GRM4: variants seen among roughly 807,000 people sequenced by gnomAD.
GRM4 encodes the protein glutamate metabotropic receptor 4, also known as metabotropic glutamate receptor 4.
GRM4 carries 28 observed loss-of-function variants against 81.7 expected under a neutral mutation model. That is an observed-to-expected ratio of 0.34 (90% confidence interval 0.25 to 0.47). GRM4 has a LOEUF of 0.47. Ranked by LOEUF, GRM4 falls within the 20% of genes least tolerant of loss-of-function variation. The pLI is 1.00. For synonymous variants in GRM4, 488 were observed against 528.8 expected, an observed-to-expected ratio of 0.92 and a Z score of 1.06; for missense variants, 948 against 1,290.0, an observed-to-expected ratio of 0.73 and a Z score of 4.06.
intron 6 of GRM4, among the ~76,000 whole-genome samples, chr6:34,052,388 C>G (rs1765659006): frequency 6.6e-6 from 1 of 152,236 alleles, no homozygotes; most frequent in African/African-American, 2.4e-5. Context: ...GGGAACTCCA[C>G]TTCAGACAGC....
In GRM4 at chr6:34,021,021, C is replaced by T. The variant is rs780463570; in HGVS notation, c.*1800G>A. 1 of 151,922 alleles carries T rather than the reference C, an allele frequency of 6.6e-6. No homozygotes were observed. Among genetic ancestry groups the T allele is most frequent in the Non-Finnish European group, 1.5e-5 (1 of 68,036 alleles). The allele number at this position is 151,922 out of a possible 1,614,324, so 9.4% of individuals were successfully genotyped here. On this transcript the variant is annotated 3_prime_UTR_variant, in exon 11 of 11. Transcript: ENST00000538487. This position sits in a 1 kb window ranked among gnomAD's most constrained non-coding sequence, Gnocchi z 5.3. ...ACGGCACAGGCAGCCCAGGCTCCAG[C>T]TGCTGCCTATGGCCTCATTGTGTTT... is the stretch of plus-strand genomic sequence containing the variant.
chr6:34,094,579 G>T (rs1192916864), intron 2 of GRM4, among the ~76,000 whole-genome samples: 1 of 152,204 alleles, frequency 6.6e-6, no homozygotes, highest in African/African-American at 2.4e-5. Context: ...TTTTAGAGCA[G>T]TTTCTCAGCC....
chr6:34,103,979 C>A, intron 2 of GRM4: 1 of 528,716 alleles, frequency 1.9e-6, no homozygotes, highest in Non-Finnish European at 2.7e-6. Context: ...TCATGCACAG[C>A]CTCCCTTGGT....
intron 9 of GRM4, among the ~76,000 whole-genome samples, chr6:34,032,327 C>T (rs1175083811): frequency 2.0e-5 from 3 of 152,206 alleles, no homozygotes; most frequent in Non-Finnish European, 4.4e-5. Flanking sequence ...TGTAGGCACA[C>T]CACAACTCCT....
In GRM4 at chr6:34,120,628, C is replaced by T. The variant is rs368121247; in HGVS notation, c.519+12350G>A. On this transcript the variant is annotated intron_variant, in intron 2 of 10. Transcript: ENST00000538487. ...GGAGCTACCAATTCGGGCAGGAAGA[C>T]ACCTTTGTCAGGTCCCCAGCTCCTG... Among the ~76,000 whole-genome samples, 10 of 152,222 alleles carry T rather than the reference C, an allele frequency of 6.6e-5. No homozygotes were observed. The South Asian group carries it at 2.1e-3, about 32-fold the overall frequency.
chr6:34,093,270 C>A (rs1490223193), intron 2 of GRM4, among the ~76,000 whole-genome samples: 3 of 152,200 alleles, frequency 2.0e-5, no homozygotes, highest in Admixed American at 2.0e-4. Context: ...TGGCCAAAGC[C>A]TAGTGTGTCC....
rs745313715 is a variant in GRM4 at position 34,092,116 on chromosome 6, G to A, written c.520-17C>T. ...CTGGGGTATCTGAGGGGCGAGAGGG[G>A]CTGCTGAGGGTGGCGACTGGCTCCC... On this transcript the variant is annotated splice_polypyrimidine_tract_variant and intron_variant, in intron 2 of 10. Coordinates refer to ENST00000538487, the MANE Select transcript of GRM4 (RefSeq NM_000841.4). The surrounding 1 kb of genome is among the most constrained non-coding windows in gnomAD (Gnocchi z 6.8). 3.2e-6 allele frequency: 5 copies of A among 1,561,514 alleles called. No homozygotes were observed. The highest frequency in any genetic ancestry group is 2.6e-6 in the Non-Finnish European group (3 of 1,139,028).
At chr6:34,137,815 C>T (rs1770520989) in intron 1 of GRM4, among the ~76,000 whole-genome samples, 2 of 144,542 alleles carry the variant, frequency 1.4e-5, no homozygotes, top group South Asian at 4.3e-4. Flanking sequence ...AGGCTGGTCT[C>T]GAACTCCTGA....
At chr6:34,123,664 C>T (rs60117918) in intron 2 of GRM4, among the ~76,000 whole-genome samples, 15,461 of 152,250 alleles carry the variant, frequency 0.1, 1,427 homozygotes, top group African/African-American at 0.24. Flanking sequence ...TTGCTGTGCA[C>T]GCATTTCATC....
intron 2 of GRM4, among the ~76,000 whole-genome samples, chr6:34,109,305 C>T (rs1769267496): frequency 1.3e-5 from 2 of 152,198 alleles, no homozygotes; most frequent in African/African-American, 2.4e-5. Context: ...AGGGAAGCCC[C>T]TCGTTGATCT....
intron 10 of GRM4, among the ~76,000 whole-genome samples, chr6:34,027,653 C>A (rs1403348634): frequency 1.3e-5 from 2 of 152,184 alleles, no homozygotes; most frequent in Non-Finnish European, 2.9e-5. Flanking sequence ...TCCCACCCCA[C>A]CGGGTTACCA....
chr6:34,027,762 G>A (rs1210825616), intron 10 of GRM4, among the ~76,000 whole-genome samples: 1 of 152,202 alleles, frequency 6.6e-6, no homozygotes, highest in Non-Finnish European at 1.5e-5. Context: ...CCCAGCACAG[G>A]GAAATCCCGG....
At chr6:34,144,820 C>T (rs777567272) in intron 1 of GRM4, among the ~76,000 whole-genome samples, 22 of 152,182 alleles carry the variant, frequency 1.4e-4, no homozygotes, top group Non-Finnish European at 2.8e-4. Context: ...GTACTTTCCA[C>T]CGGGCCCGCA....
At chr6:34,067,167 T>C (rs980041541) in intron 3 of GRM4, among the ~76,000 whole-genome samples, 8 of 152,196 alleles carry the variant, frequency 5.3e-5, no homozygotes, top group Non-Finnish European at 8.8e-5. Context: ...AGACACTTCG[T>C]GGATGAAACT....
At position 34,059,112 on chromosome 6, in the gene GRM4, C is replaced by T. The variant is rs1284383280; in HGVS notation, c.889G>A (p.Ala297Thr). The T allele has an allele frequency of 2.5e-6, 4 of 1,613,594 alleles. No homozygotes were observed. The highest frequency in any genetic ancestry group is 2.5e-6 in the Non-Finnish European group (3 of 1,179,948). Residue 297 changes from alanine to threonine, a missense_variant, in exon 5 of 11, where the codon GCA (alanine) becomes ACA (threonine). Physicochemically the swap from Ala to Thr is moderately conservative, Grantham distance 58. Coordinates refer to ENST00000538487, the MANE Select transcript of GRM4 (RefSeq NM_000841.4). The surrounding 1 kb of genome is among the most constrained non-coding windows in gnomAD (Gnocchi z 5.7). ...EDDIRRVLEA[A>T]RRANQTGHFF... ...TGGCCTGTCTGGTTGGCCCTTCGTG[C>T]TGCCTCCAGCACACGCCTGTAGGAA... is the stretch of plus-strand genomic sequence containing the variant.
rs1334581219 is a variant in GRM4 at position 34,035,515 on chromosome 6, T to TGAAAGAAGGCAGAATGAGGCAA, written c.2442+131_2442+152dup. ...CTGGGAGAGAAGGCAGAATGAGGCA[T>TGAAAGAAGGCAGAATGAGGCAA]GAAAGAAGGCAGAATGAGGCAAGAA... is the stretch of plus-strand genomic sequence containing the variant. On this transcript the variant is annotated intron_variant, in intron 9 of 10. Coordinates refer to ENST00000538487, the MANE Select transcript of GRM4 (RefSeq NM_000841.4). The surrounding 1 kb of genome is among the most constrained non-coding windows in gnomAD (Gnocchi z 6.6). 6.8e-6 allele frequency among the ~76,000 whole-genome samples: 1 copy of TGAAAGAAGGCAGAATGAGGCAA among 147,750 alleles called. No individual in the cohort carries two copies.
In GRM4 at chr6:34,085,280, G is replaced by A. The variant is rs140096684; in HGVS notation, c.736+6603C>T. On this transcript the variant is annotated intron_variant, in intron 3 of 10. Coordinates refer to ENST00000538487, the MANE Select transcript of GRM4 (RefSeq NM_000841.4). ...CCTCTTTCCCTTCCTGTCCCCCAGGGCAGCAGCACTGCAGGATGAAGCACC... is the reference window on the plus strand; with the variant it reads ...CCTCTTTCCCTTCCTGTCCCCCAGGACAGCAGCACTGCAGGATGAAGCACC... Among the ~76,000 whole-genome samples the A allele has an allele frequency of 8.1e-3, 1,240 of 152,294 alleles. 7 individuals are homozygous for A. Among genetic ancestry groups the A allele is most frequent in the South Asian group, 0.014 (69 of 4,828 alleles).
intron 5 of GRM4, among the ~76,000 whole-genome samples, 169 bp downstream of exon 5, chr6:34,058,805 C>T (rs1025063080): frequency 4.1e-5 from 6 of 145,304 alleles, no homozygotes; most frequent in Non-Finnish European, 1.5e-5. Context: ...TTGCACGTGG[C>T]CTAAAAGAAC....
chr6:34,035,747 CCAATGGGCTTGGCCT>C lies in GRM4; in HGVS notation c.2348_2362del (p.Glu783_Ile787del), dbSNP rs1253771617. On this transcript the variant is annotated inframe_deletion, in exon 9 of 11. Transcript: ENST00000538487. This position sits in a 1 kb window ranked among gnomAD's most constrained non-coding sequence, Gnocchi z 6.6. Reference sequence around the variant, plus strand: ...GATGCAAGTGGTGTACATGGTGAAGCCAATGGGCTTGGCCTCATTGAAGGTCTCGGGCACGCCGCG... The same window carrying C: ...GATGCAAGTGGTGTACATGGTGAAGCCATTGAAGGTCTCGGGCACGCCGCG... The C allele has an allele frequency of 6.2e-7, 1 of 1,610,918 alleles. No individual in the cohort carries two copies. Among genetic ancestry groups the C allele is most frequent in the Admixed American group, 1.7e-5 (1 of 59,952 alleles).
Sources: gnomAD v4.1 joint callset for allele counts (sites outside exome capture counted in the v4.1 genomes callset) on GRCh38, gnomAD v4.1.1 for gene constraint, Gnocchi (gnomAD v3.1) non-coding constraint, MANE v1.5 for transcripts, NCBI Gene and HGNC (gene_info 2026-07-23, HGNC 2026-07-21) for gene names.